The following SPIDR variants were observed in gnomAD, a reference collection of about 807,000 sequenced individuals.
SPIDR encodes scaffold protein involved in DNA repair.
A neutral mutation model predicts 104.6 loss-of-function variants in SPIDR; 93 were observed. The ratio of observed to expected loss-of-function variants is 0.89; its 90% CI spans 0.75 to 1.06. The LOEUF (loss-of-function observed/expected upper bound fraction) is 1.06. SPIDR is among the 50% of genes least tolerant of loss of function. The pLI, the probability that SPIDR is intolerant of heterozygous loss-of-function variation, is 0.00. For missense variants in SPIDR, 1,154 were observed against 1,111.2 expected (o/e 1.04, Z -0.55); for synonymous variants, 431 against 416.9 (o/e 1.03, Z -0.41).
intron 7 of SPIDR, among the ~76,000 whole-genome samples, chr8:47,408,832 G>T (rs980311380): frequency 6.6e-6 from 1 of 152,068 alleles, no homozygotes; most frequent in Non-Finnish European, 1.5e-5. Flanking sequence ...TATTAACAAC[G>T]AGATATTTTC....
At chr8:47,528,100 G>A (rs1409620240) in intron 8 of SPIDR, 1 of 152,124 alleles carries the variant, frequency 6.6e-6, no homozygotes, top group Middle Eastern at 3.2e-3. Context: ...CACATATGTT[G>A]TTCCACTGGA....
intron 5 of SPIDR, among the ~76,000 whole-genome samples, chr8:47,322,899 G>A (rs1554597384): frequency 6.6e-6 from 1 of 151,880 alleles, no homozygotes; most frequent in Non-Finnish European, 1.5e-5. Context: ...GAGAACACGG[G>A]GGCACAAGAA....
At chr8:47,651,230 C>T (rs2071559119) in intron 10 of SPIDR, among the ~76,000 whole-genome samples, 1 of 152,134 alleles carries the variant, frequency 6.6e-6, no homozygotes, top group South Asian at 2.1e-4. Context: ...ACAAAGAACT[C>T]AAGCAAATCA....
At chr8:47,317,808 G>A (rs898005918) in intron 5 of SPIDR, among the ~76,000 whole-genome samples, 202 of 152,298 alleles carry the variant, frequency 1.3e-3, no homozygotes, top group Non-Finnish European at 2.4e-3. Context: ...CTGTTCTGCA[G>A]CCTCCACTGC....
At chr8:47,352,686 A>G (rs1436822802) in intron 5 of SPIDR, among the ~76,000 whole-genome samples, 4 of 152,194 alleles carry the variant, frequency 2.6e-5, no homozygotes, top group South Asian at 2.1e-4. Flanking sequence ...ATGATGTTAT[A>G]TAACAAGGAT....
intron 10 of SPIDR, among the ~76,000 whole-genome samples, chr8:47,654,869 C>T (rs1229346420): frequency 2.6e-5 from 4 of 151,996 alleles, no homozygotes; most frequent in African/African-American, 9.7e-5. Flanking sequence ...AATGCTATCC[C>T]TCCCCCCTCC....
At chr8:47,470,559 T>TA (rs2075547946) in intron 8 of SPIDR, among the ~76,000 whole-genome samples, 1 of 152,048 alleles carries the variant, frequency 6.6e-6, no homozygotes, top group East Asian at 1.9e-4. Flanking sequence ...GCTGGTCAGT[T>TA]ACGAGCTACC....
chr8:47,315,916 C>G (rs2045256507), intron 5 of SPIDR, among the ~76,000 whole-genome samples: 2 of 152,014 alleles, frequency 1.3e-5, no homozygotes, highest in African/African-American at 4.8e-5. Context: ...TTAGAATAAA[C>G]AAAGAACAGG....
intron 8 of SPIDR, among the ~76,000 whole-genome samples, chr8:47,513,425 T>C (rs2082660736): frequency 6.6e-6 from 1 of 152,276 alleles, no homozygotes; most frequent in Non-Finnish European, 1.5e-5. Context: ...GTCTGTATTT[T>C]AAAATAAAAT....
At chr8:47,303,736 TGTGCTGTTGAATTCA>T (rs1268407640) in intron 5 of SPIDR, among the ~76,000 whole-genome samples, 2 of 152,234 alleles carry the variant, frequency 1.3e-5, no homozygotes, top group Non-Finnish European at 2.9e-5. Context: ...ATCCTTTTAA[TGTGCTGTTGAATTCA>T]GTTTATTAGT....
intron 8 of SPIDR, among the ~76,000 whole-genome samples, chr8:47,444,515 C>T (rs1033655812): frequency 2.0e-5 from 3 of 152,214 alleles, no homozygotes; most frequent in Non-Finnish European, 2.9e-5. Flanking sequence ...TTCATATCGT[C>T]ATCTTTTTAG....
chr8:47,635,692 A>T (rs899134234), intron 10 of SPIDR, among the ~76,000 whole-genome samples: 9 of 151,982 alleles, frequency 5.9e-5, no homozygotes, highest in Non-Finnish European at 1.3e-4. Context: ...TAGGCAGTGC[A>T]CTCCAGCTGG....
At chr8:47,351,817 T>G (rs2053554794) in intron 5 of SPIDR, among the ~76,000 whole-genome samples, 1 of 152,220 alleles carries the variant, frequency 6.6e-6, no homozygotes, top group Non-Finnish European at 1.5e-5. Context: ...TAATGTTATA[T>G]TCAAATACTA....
At chr8:47,310,852 A>C (rs1460238594) in intron 5 of SPIDR, among the ~76,000 whole-genome samples, 1 of 152,238 alleles carries the variant, frequency 6.6e-6, no homozygotes, top group Non-Finnish European at 1.5e-5. Context: ...AAAAAAAACT[A>C]AATAGTCTTC....
intron 8 of SPIDR, among the ~76,000 whole-genome samples, chr8:47,560,962 A>C (rs1387082205): frequency 6.6e-6 from 1 of 152,132 alleles, no homozygotes; most frequent in African/African-American, 2.4e-5. Flanking sequence ...AGATTACCTA[A>C]AGCAGAGGTA....
At chr8:47,376,759 G>A (rs1358453923) in intron 5 of SPIDR, among the ~76,000 whole-genome samples, 2 of 152,034 alleles carry the variant, frequency 1.3e-5, no homozygotes, top group Non-Finnish European at 2.9e-5. Context: ...ATTGAGTGAT[G>A]AGGAAAAACA....
chr8:47,659,083 C>G (rs900061716), intron 10 of SPIDR, among the ~76,000 whole-genome samples: 6 of 152,064 alleles, frequency 3.9e-5, no homozygotes, highest in African/African-American at 1.4e-4. Context: ...CATGGCCTAG[C>G]CCCGTCTCTA....
At chr8:47,308,161 A>G (rs1182982927) in intron 5 of SPIDR, among the ~76,000 whole-genome samples, 3 of 151,780 alleles carry the variant, frequency 2.0e-5, no homozygotes, top group Non-Finnish European at 4.4e-5. Flanking sequence ...TCCTGGGTTC[A>G]GCCGATTCTC....
rs560080075 is a variant in SPIDR at position 47,607,920 on chromosome 8, T to C, written c.1544+8724T>C. 7.5e-5 allele frequency among the ~76,000 whole-genome samples: 11 copies of C among 147,608 alleles called. No individual in the cohort carries two copies. In the South Asian group the frequency reaches 1.7e-3, roughly 22 times the overall value. ...ACTCATGGGGACCTGAAGGAATCTA[T>C]CTTATCTCTATCACATTTTTAAAGA... On this transcript the variant is annotated intron_variant, in intron 10 of 19. Coordinates refer to ENST00000297423, the MANE Select transcript of SPIDR (RefSeq NM_001080394.4).
Sources: gnomAD v4.1 joint callset for allele counts (sites outside exome capture counted in the v4.1 genomes callset) on GRCh38, gnomAD v4.1.1 for gene constraint, MANE v1.5 for transcripts, NCBI Gene and HGNC (gene_info 2026-07-23, HGNC 2026-07-21) for gene names.